The following PRCP variants were observed in gnomAD, a reference collection of about 807,000 sequenced individuals.
The protein encoded by PRCP is prolylcarboxypeptidase, also known as lysosomal Pro-X carboxypeptidase.
A neutral mutation model predicts 54.2 loss-of-function variants in PRCP; 46 were observed. The ratio of observed to expected loss-of-function variants is 0.85; its 90% CI spans 0.67 to 1.09. The LOEUF is 1.09. Ranked by LOEUF, PRCP falls within the 50% of genes least tolerant of loss-of-function variation. The pLI is 0.00. For synonymous variants in PRCP, 240 were observed against 212.2 expected (o/e 1.13, Z -1.14); for missense variants, 613 against 596.8 (o/e 1.03, Z -0.28).
chr11:82,871,064 G>T (rs1034702799), intron 1 of PRCP, among the ~76,000 whole-genome samples: 10 of 151,648 alleles, frequency 6.6e-5, no homozygotes, highest in Admixed American at 2.0e-4. Flanking sequence ...TAAAAATAAT[G>T]TAAGGCTGCA....
intron 6 of PRCP, among the ~76,000 whole-genome samples, chr11:82,844,832 A>G (rs1303548307): frequency 1.3e-5 from 2 of 152,168 alleles, no homozygotes; most frequent in East Asian, 3.9e-4. Context: ...ACTATATTGC[A>G]TGTATTCAAC....
At chr11:82,899,711 T>C (rs551748063) in intron 1 of PRCP, among the ~76,000 whole-genome samples, 2 of 152,016 alleles carry the variant, frequency 1.3e-5, no homozygotes, top group East Asian at 1.9e-4. Flanking sequence ...TTATGGGGAA[T>C]AGGGACTGTC....
At chr11:82,883,240 T>C (rs1258978194) in intron 1 of PRCP, among the ~76,000 whole-genome samples, 1 of 152,030 alleles carries the variant, frequency 6.6e-6, no homozygotes, top group Non-Finnish European at 1.5e-5. Context: ...ACAAAGAGGA[T>C]AGTAGTCAGT....
chr11:82,830,246 T>A (rs1319947764), intron 8 of PRCP: 1 of 151,414 alleles, frequency 6.6e-6, no homozygotes, highest in Non-Finnish European at 1.5e-5. Context: ...AAGAGGTAAA[T>A]GAATCATGAA....
intron 1 of PRCP, among the ~76,000 whole-genome samples, chr11:82,879,090 G>A (rs1233961949): frequency 5.3e-5 from 8 of 152,162 alleles, no homozygotes; most frequent in Non-Finnish European, 1.2e-4. Context: ...GCCTTGCTAG[G>A]TTTGGGAAGT....
At chr11:82,885,177 A>G (rs948177384) in intron 1 of PRCP, among the ~76,000 whole-genome samples, 1 of 152,212 alleles carries the variant, frequency 6.6e-6, no homozygotes, top group African/African-American at 2.4e-5. Context: ...GGCCTGGTAT[A>G]TGACATGTTT....
intron 1 of PRCP, among the ~76,000 whole-genome samples, chr11:82,874,419 G>A (rs149217032): frequency 8.8e-4 from 134 of 152,224 alleles, no homozygotes; most frequent in Non-Finnish European, 1.7e-3. Flanking sequence ...ACCTGGGTGC[G>A]GTGGCTCACA....
chr11:82,865,867 G>T (rs1207001378), intron 1 of PRCP, among the ~76,000 whole-genome samples: 1 of 152,190 alleles, frequency 6.6e-6, no homozygotes. Context: ...ACACTTTTAT[G>T]TTAGAAGAAC....
At chr11:82,883,002 T>C (rs1302828781) in intron 1 of PRCP, among the ~76,000 whole-genome samples, 6 of 152,092 alleles carry the variant, frequency 3.9e-5, no homozygotes, top group African/African-American at 9.7e-5. Context: ...GGTAGTACAA[T>C]ACTGGCAGAC....
rs963030232 is a variant in PRCP, at chr11:82,851,903, C to T, written c.411+1274G>A. Among the ~76,000 whole-genome samples, 9 of 152,146 alleles carry T rather than the reference C, an allele frequency of 5.9e-5. No homozygotes were observed. The South Asian group carries it at 6.2e-4, about 11-fold the overall frequency. ...CTCCTCTCTCCCTGTCTGTCACTAT[C>T]CTTTACTTCCAGTTTTTATGGCACT... On this transcript the variant is annotated intron_variant, in intron 3 of 8. Coordinates refer to ENST00000313010, the MANE Select transcript of PRCP (RefSeq NM_005040.4).
intron 1 of PRCP, among the ~76,000 whole-genome samples, chr11:82,895,935 G>T (rs1419593752): frequency 6.6e-6 from 1 of 152,212 alleles, no homozygotes; most frequent in East Asian, 1.9e-4. Flanking sequence ...TGAGGAAGGA[G>T]CTGCAGAAGT....
At chr11:82,825,273 G>C (rs17144312) in intron 8 of PRCP, 151 bp from the exon 9 acceptor site, 37,252 of 685,464 alleles carry the variant, frequency 0.054, 2,424 homozygotes, top group African/African-American at 0.25. Context: ...TTATCATATG[G>C]ATAGATACTT....
intron 1 of PRCP, among the ~76,000 whole-genome samples, chr11:82,876,665 C>T (rs1859609203): frequency 1.3e-5 from 2 of 152,174 alleles, no homozygotes; most frequent in African/African-American, 4.8e-5. Flanking sequence ...TTTTCTCTTG[C>T]CGCCACCATG....
chr11:82,838,723 G>A (rs140684876), intron 7 of PRCP, 149 bp from the exon 8 acceptor site: 147 of 679,262 alleles, frequency 2.2e-4, no homozygotes, highest in African/African-American at 2.1e-3. Flanking sequence ...TTACTTCTGC[G>A]CCATATAATC....
chr11:82,847,004 A>T (rs1939136), intron 6 of PRCP, among the ~76,000 whole-genome samples: 70,633 of 152,090 alleles, frequency 0.46, 16,552 homozygotes, highest in Admixed American at 0.52. Context: ...GCCATCCTCA[A>T]TTGTTTATGT....
intron 1 of PRCP, among the ~76,000 whole-genome samples, chr11:82,887,708 G>T (rs1400093972): frequency 1.3e-5 from 2 of 152,130 alleles, no homozygotes; most frequent in Admixed American, 1.3e-4. Flanking sequence ...CTGAAAGCCA[G>T]CCATGAAGCC....
chr11:82,842,148 C>A (rs940549444), intron 6 of PRCP, among the ~76,000 whole-genome samples: 1 of 152,128 alleles, frequency 6.6e-6, no homozygotes, highest in East Asian at 1.9e-4. Context: ...GGCATCAGAG[C>A]CCCTCTTAGA....
At chr11:82,850,531 G>A in intron 3 of PRCP, 26 bp from the exon 4 acceptor site, 1 of 1,497,426 alleles carries the variant, frequency 6.7e-7, no homozygotes, top group Non-Finnish European at 9.0e-7. Flanking sequence ...AAAGAACACG[G>A]GTATAAATGT....
At position 82,854,680 on chromosome 11, in the gene PRCP, C is replaced by CAACAAACA. The variant is rs59333513; in HGVS notation, c.310-1410_310-1403dup. Among the ~76,000 whole-genome samples the CAACAAACA allele has an allele frequency of 4.9e-3, 739 of 151,738 alleles. 7 individuals carry two copies. The highest frequency in any genetic ancestry group is 0.015 in the African/African-American group (605 of 41,302). On this transcript the variant is annotated intron_variant, in intron 2 of 8. Transcript: ENST00000313010. ...CTATTTTGAAATCCATATAAAACAA[C>CAACAAACA]AACAAACAAACAAACAAAAAACTTG...
Sources: gnomAD v4.1 joint callset for allele counts (sites outside exome capture counted in the v4.1 genomes callset) on GRCh38, gnomAD v4.1.1 for gene constraint, MANE v1.5 for transcripts, NCBI Gene and HGNC (gene_info 2026-07-23, HGNC 2026-07-21) for gene names.